The following SLC35A3 variants were observed in gnomAD, a reference collection of about 807,000 sequenced individuals.
The protein encoded by SLC35A3 is UDP-N-acetylglucosamine transporter.
In SLC35A3, 26 loss-of-function variants were observed where a neutral mutation model predicts 39.0. That is an observed-to-expected ratio of 0.67 (90% CI 0.49 to 0.92). The LOEUF (loss-of-function observed/expected upper bound fraction) is 0.92. SLC35A3 is among the 40% of genes least tolerant of loss of function. The pLI is 0.00. For synonymous variants in SLC35A3, 135 were observed against 133.1 expected, an observed-to-expected ratio of 1.01 and a Z score of -0.10; for missense variants, 299 against 371.6, an observed-to-expected ratio of 0.80 and a Z score of 1.61.
rs373264999 is a variant in SLC35A3, at chr1:100,007,175, T to C, written c.465+19T>C. 3.8e-6 allele frequency: 6 copies of C among 1,563,672 alleles called. No individual in the cohort carries two copies. The highest frequency in any genetic ancestry group is 5.2e-6 in the Non-Finnish European group (6 of 1,149,946). Reference sequence around the variant, plus strand: ...TGTACAGGTAACTATTCAAGATAAGTATATATTTTTATCTTTATTGTGGTT... The same window carrying C: ...TGTACAGGTAACTATTCAAGATAAGCATATATTTTTATCTTTATTGTGGTT... On this transcript the variant is annotated intron_variant, in intron 4 of 7. Transcript: ENST00000533028.
At chr1:100,007,009 A>C (rs1450165924) in intron 3 of SLC35A3, 25 bp from the exon 4 acceptor site, 1 of 1,578,608 alleles carries the variant, frequency 6.3e-7, no homozygotes, top group Non-Finnish European at 8.6e-7. Context: ...ACGAACATTA[A>C]TAATATTACT....
chr1:99,994,588 A>G (rs1371704075), intron 2 of SLC35A3, among the ~76,000 whole-genome samples: 1 of 152,170 alleles, frequency 6.6e-6, no homozygotes, highest in African/African-American at 2.4e-5. Flanking sequence ...TGTTTTCAAG[A>G]TTTGTTCACG....
At chr1:99,970,244 G>A (rs1656720920) in intron 1 of SLC35A3, 82 bp downstream of exon 1, 1 of 253,738 alleles carries the variant, frequency 3.9e-6, no homozygotes, top group Middle Eastern at 1.2e-3. Flanking sequence ...CCTGGAGGAG[G>A]AGGAAGAGGA....
At position 99,994,236 on chromosome 1, in the gene SLC35A3, G is replaced by A. The variant is rs114415261; in HGVS notation, c.187+495G>A. On this transcript the variant is annotated intron_variant, in intron 2 of 7. Coordinates refer to ENST00000533028, the MANE Select transcript of SLC35A3 (RefSeq NM_012243.3). ...TATAATGTTTTAAACCTGTGGTAAAGTATATACACATAACATAAAATTTGC... is the reference window on the plus strand; with the variant it reads ...TATAATGTTTTAAACCTGTGGTAAAATATATACACATAACATAAAATTTGC... Among the ~76,000 whole-genome samples the A allele has an allele frequency of 9.9e-3, 1,500 of 152,124 alleles. 16 individuals are homozygous for A. Among genetic ancestry groups the A allele is most frequent in the Non-Finnish European group, 0.016 (1,120 of 67,964 alleles).
At chr1:99,982,951 A>G (rs1459134293) in intron 1 of SLC35A3, among the ~76,000 whole-genome samples, 1 of 152,196 alleles carries the variant, frequency 6.6e-6, no homozygotes, top group African/African-American at 2.4e-5. Context: ...TGTGCACAGG[A>G]CTGTAAAGGA....
chr1:99,982,348 T>C (rs1312038030), intron 1 of SLC35A3, among the ~76,000 whole-genome samples: 2 of 152,148 alleles, frequency 1.3e-5, no homozygotes, highest in Non-Finnish European at 2.9e-5. Flanking sequence ...GTATATGGTG[T>C]TTTGAGTATT....
At chr1:99,990,182 T>C (rs1347799039) in intron 1 of SLC35A3, among the ~76,000 whole-genome samples, 3 of 152,234 alleles carry the variant, frequency 2.0e-5, no homozygotes, top group African/African-American at 7.2e-5. Flanking sequence ...CTTGTTATTA[T>C]TGAATATTTA....
intron 1 of SLC35A3, among the ~76,000 whole-genome samples, chr1:99,978,388 G>A (rs1657249767): frequency 6.6e-6 from 1 of 152,148 alleles, no homozygotes; most frequent in African/African-American, 2.4e-5. Context: ...TTAGCTAGGT[G>A]TGGTGGCACA....
At chr1:99,976,362 C>T (rs1350456467) in intron 1 of SLC35A3, among the ~76,000 whole-genome samples, 2 of 152,156 alleles carry the variant, frequency 1.3e-5, no homozygotes, top group Non-Finnish European at 2.9e-5. Flanking sequence ...AACTATACAG[C>T]ATTTGGATTC....
intron 7 of SLC35A3, among the ~76,000 whole-genome samples, chr1:100,019,503 T>C (rs887013066): frequency 9.2e-5 from 14 of 152,362 alleles, no homozygotes; most frequent in Middle Eastern, 3.4e-3. Flanking sequence ...CCTCTATCTT[T>C]ATGCATCTTA....
intron 6 of SLC35A3, 151 bp downstream of exon 6, chr1:100,015,571 G>A: frequency 1.2e-6 from 1 of 812,926 alleles, no homozygotes; most frequent in Non-Finnish European, 1.7e-6. Context: ...GAAAATAGAA[G>A]TGATCTTAAT....
rs544309699 is a variant in SLC35A3, at chr1:99,998,155, C to CT, written c.188-1090dup. The stretch of plus-strand genomic sequence containing the variant: ...TTTCAAGCCAGTGACAGTCACATTT[C>CT]TTTTTTTTTTTTTTTTGAGATGGGG... On this transcript the variant is annotated intron_variant, in intron 2 of 7. Coordinates refer to ENST00000533028, the MANE Select transcript of SLC35A3 (RefSeq NM_012243.3). Among the ~76,000 whole-genome samples the CT allele has an allele frequency of 4.9e-3, 652 of 133,678 alleles. 5 individuals carry two copies. The highest frequency in any genetic ancestry group is 0.014 in the South Asian group (56 of 4,094). 87.7% of individuals were successfully genotyped at this position (133,678 alleles called of 152,430 possible).
At chr1:100,014,637 A>G (rs908118275) in intron 5 of SLC35A3, among the ~76,000 whole-genome samples, 2 of 152,216 alleles carry the variant, frequency 1.3e-5, no homozygotes, top group Non-Finnish European at 2.9e-5. Context: ...TGGAAGAACA[A>G]TGACATATTC....
rs914716861 is a variant in SLC35A3, at chr1:100,012,176, C to T, written c.634+643C>T. Among the ~76,000 whole-genome samples, 6 of 151,950 alleles carry T rather than the reference C, an allele frequency of 3.9e-5. No homozygotes were observed. The South Asian group carries it at 1.2e-3, about 32-fold the overall frequency. On this transcript the variant is annotated intron_variant, in intron 5 of 7. Transcript: ENST00000533028. ...GCGCGCACCTGTAATCCCAGCTAAT[C>T]TGGAGGCTGAGGCAGGACAATTGCT...
intron 1 of SLC35A3, among the ~76,000 whole-genome samples, chr1:99,987,102 C>T (rs1657787063): frequency 6.6e-6 from 1 of 152,208 alleles, no homozygotes; most frequent in South Asian, 2.1e-4. Flanking sequence ...TGGAATTTTA[C>T]AATAGCATGT....
intron 1 of SLC35A3, chr1:99,970,724 A>G (rs1656757383): frequency 4.4e-6 from 4 of 902,908 alleles, no homozygotes; most frequent in Admixed American, 5.1e-5. Flanking sequence ...GCATTGCTTT[A>G]TAGTAAAAGA....
chr1:99,989,349 T>C (rs768575305), intron 1 of SLC35A3, among the ~76,000 whole-genome samples: 5 of 152,156 alleles, frequency 3.3e-5, no homozygotes, highest in Non-Finnish European at 5.9e-5. Flanking sequence ...AATGGCCTAG[T>C]CTTGGCTCAC....
At chr1:99,983,944 A>G (rs987625967) in intron 1 of SLC35A3, among the ~76,000 whole-genome samples, 1 of 152,118 alleles carries the variant, frequency 6.6e-6, no homozygotes, top group Non-Finnish European at 1.5e-5. Flanking sequence ...TTTATTTTAC[A>G]TTTAATTAAT....
chr1:99,971,849 A>T (rs1227514976), intron 1 of SLC35A3, among the ~76,000 whole-genome samples: 3 of 152,134 alleles, frequency 2.0e-5, no homozygotes, highest in African/African-American at 7.2e-5. Context: ...TCTCTTTCTT[A>T]TGCAGCTTTC....
Sources: allele counts gnomAD v4.1 joint callset (sites outside exome capture counted in the v4.1 genomes callset), GRCh38; gene constraint gnomAD v4.1.1; transcripts MANE v1.5; gene names NCBI Gene and HGNC (gene_info 2026-07-23, HGNC 2026-07-21).